Variants in NRG3 observed in about 807,000 individuals in gnomAD.
NRG3 encodes the protein pro-neuregulin-3, membrane-bound isoform.
NRG3 carries 31 observed loss-of-function variants against 66.9 expected under a neutral mutation model. The ratio of observed to expected loss-of-function variants is 0.46; its 90% CI spans 0.35 to 0.63. NRG3 has a LOEUF of 0.63. NRG3 is among the 20% of genes least tolerant of loss of function. The probability of loss-of-function intolerance (pLI) is 0.00; values close to 1 mark genes in which losing one functional copy is unlikely to be tolerated. For missense variants in NRG3, 910 were observed against 878.9 expected, an observed-to-expected ratio of 1.04 and a Z score of -0.45; for synonymous variants, 393 against 359.4, an observed-to-expected ratio of 1.09 and a Z score of -1.06.
chr10:82,296,523 A>G (rs888823641), intron 1 of NRG3, among the ~76,000 whole-genome samples: 4 of 152,126 alleles, frequency 2.6e-5, no homozygotes, highest in Non-Finnish European at 4.4e-5. Flanking sequence ...AATTTAATTT[A>G]TTTTTATTGA....
intron 3 of NRG3, among the ~76,000 whole-genome samples, chr10:82,821,665 A>G (rs1459729635): frequency 1.3e-5 from 2 of 152,188 alleles, no homozygotes; most frequent in East Asian, 1.9e-4. Context: ...TGAAAATCTA[A>G]AAGTCTGAGA....
At chr10:82,554,316 G>A (rs1437874090) in intron 2 of NRG3, among the ~76,000 whole-genome samples, 2 of 152,124 alleles carry the variant, frequency 1.3e-5, no homozygotes, top group Non-Finnish European at 2.9e-5. Flanking sequence ...AACGTTTGAG[G>A]TAATGGATAA....
chr10:82,647,259 GT>G, intron 2 of NRG3, among the ~76,000 whole-genome samples: 2 of 152,114 alleles, frequency 1.3e-5, no homozygotes, highest in East Asian at 3.9e-4. Context: ...GCGGTGTTTG[GT>G]TTTTTGTTCT....
intron 1 of NRG3, among the ~76,000 whole-genome samples, chr10:82,203,620 TA>T: frequency 6.6e-6 from 1 of 152,128 alleles, no homozygotes. Flanking sequence ...AAAACTATCA[TA>T]AGACATATAA....
chr10:82,285,818 T>A (rs900931469), intron 1 of NRG3, among the ~76,000 whole-genome samples: 2 of 152,214 alleles, frequency 1.3e-5, no homozygotes, highest in African/African-American at 4.8e-5. Flanking sequence ...TCTTTTTATT[T>A]AGCTTTCCAA....
chr10:82,247,706 G>C (rs2077305992), intron 1 of NRG3, among the ~76,000 whole-genome samples: 1 of 152,140 alleles, frequency 6.6e-6, no homozygotes, highest in Admixed American at 6.5e-5. Flanking sequence ...AAACCTTATA[G>C]TGAATCCTTG....
At chr10:82,892,621 A>C (rs1214232704) in intron 4 of NRG3, among the ~76,000 whole-genome samples, 1 of 152,056 alleles carries the variant, frequency 6.6e-6, no homozygotes, top group Non-Finnish European at 1.5e-5. Context: ...ACCTGTGATC[A>C]TACCACTGCA....
chr10:82,888,740 T>G (rs1031722252), intron 4 of NRG3, among the ~76,000 whole-genome samples: 2 of 152,030 alleles, frequency 1.3e-5, no homozygotes, highest in Non-Finnish European at 2.9e-5. Flanking sequence ...CTGATTCTGA[T>G]GATTCTTAAG....
chr10:82,025,268 A>G (rs1484417775), intron 1 of NRG3, among the ~76,000 whole-genome samples: 3 of 150,704 alleles, frequency 2.0e-5, no homozygotes, highest in Admixed American at 6.6e-5. Context: ...ACACTTTGAT[A>G]TAAAGAAATA....
In NRG3 at chr10:82,754,855, A is replaced by G. The variant is rs72831314; in HGVS notation, c.1027+16205A>G. Among the ~76,000 whole-genome samples the G allele has an allele frequency of 7.7e-3, 1,173 of 152,280 alleles. 8 individuals carry two copies. The highest frequency in any genetic ancestry group is 0.011 in the Non-Finnish European group (753 of 68,010). ...TACTGGTGTGTAATATCATGGTACC[A>G]GACATTACTAATATGTAAGGAGCAT... On this transcript the variant is annotated intron_variant, in intron 3 of 8. Transcript: ENST00000372141.
intron 1 of NRG3, among the ~76,000 whole-genome samples, chr10:82,296,386 G>A (rs370398789): frequency 2.9e-3 from 434 of 152,268 alleles, no homozygotes; most frequent in African/African-American, 9.7e-3. Context: ...TGCCTTGGTG[G>A]ATGCAGGTGG....
At chr10:82,512,370 C>T (rs2132455434) in intron 2 of NRG3, among the ~76,000 whole-genome samples, 1 of 152,150 alleles carries the variant, frequency 6.6e-6, no homozygotes, top group South Asian at 2.1e-4. Context: ...ATTGCAACCT[C>T]TGCCTCCTGG....
chr10:82,985,075 G>A (rs1228868233), intron 8 of NRG3, 23 bp from the exon 9 acceptor site: 3 of 1,607,648 alleles, frequency 1.9e-6, no homozygotes, highest in Admixed American at 3.4e-5. Context: ...AGCAGAAGGA[G>A]TAACACTGTG....
At chr10:82,774,219 C>T (rs2059815890) in intron 3 of NRG3, among the ~76,000 whole-genome samples, 1 of 152,138 alleles carries the variant, frequency 6.6e-6, no homozygotes, top group African/African-American at 2.4e-5. Flanking sequence ...GTTCATTAGA[C>T]ATATTGACTT....
At chr10:82,611,607 T>C (rs1029058110) in intron 2 of NRG3, among the ~76,000 whole-genome samples, 38 of 152,328 alleles carry the variant, frequency 2.5e-4, no homozygotes, top group African/African-American at 9.1e-4. Context: ...CTCATCCTTT[T>C]TTATGGCTGC....
intron 2 of NRG3, among the ~76,000 whole-genome samples, chr10:82,548,172 A>G (rs2044056430): frequency 1.3e-5 from 2 of 151,942 alleles, no homozygotes; most frequent in African/African-American, 4.8e-5. Flanking sequence ...TTTGTCTAGT[A>G]AAATTGACCA....
rs528993236 is a variant in NRG3, at chr10:82,432,303, A to T, written c.953+73435A>T. On this transcript the variant is annotated intron_variant, in intron 2 of 8. Coordinates refer to ENST00000372141, the MANE Select transcript of NRG3 (RefSeq NM_001010848.4). The stretch of plus-strand genomic sequence containing the variant: ...ACAGTCTACCTTCTGTTTTCATGAG[A>T]TCCATTTTTTTCAGCTCTCACATGT... 1.1e-3 allele frequency among the ~76,000 whole-genome samples: 174 copies of T among 151,932 alleles called. No individual in the cohort carries two copies. In the Middle Eastern group the frequency reaches 0.027, roughly 24 times the overall value.
At chr10:82,201,433 C>T (rs1187963271) in intron 1 of NRG3, among the ~76,000 whole-genome samples, 2 of 152,054 alleles carry the variant, frequency 1.3e-5, no homozygotes, top group South Asian at 4.1e-4. Context: ...TCAAACTGTC[C>T]AGTCTCCCTT....
chr10:82,188,381 C>T (rs1447430342), intron 1 of NRG3, among the ~76,000 whole-genome samples: 1 of 152,132 alleles, frequency 6.6e-6, no homozygotes, highest in Non-Finnish European at 1.5e-5. Context: ...CGGAAAATAT[C>T]TAGGACATTG....
Sources: allele counts gnomAD v4.1 joint callset (sites outside exome capture counted in the v4.1 genomes callset), GRCh38; gene constraint gnomAD v4.1.1; transcripts MANE v1.5; gene names NCBI Gene and HGNC (gene_info 2026-07-23, HGNC 2026-07-21).